Variants in EPHB2 observed in about 807,000 individuals in gnomAD.
EPHB2 encodes the protein ephrin type-B receptor 2.
EPHB2 carries 18 observed loss-of-function variants against 96.4 expected under a neutral mutation model. That is an observed-to-expected ratio of 0.19 (90% CI 0.13 to 0.28). EPHB2 has a LOEUF of 0.28. EPHB2 is among the 10% of genes least tolerant of loss of function. EPHB2 has a pLI of 1.00. For synonymous variants in EPHB2, 506 were observed against 534.1 expected (o/e 0.95, Z 0.72); for missense variants, 989 against 1,355.4 (o/e 0.73, Z 4.25).
chr1:22,825,666 G>T (rs1190777121), intron 3 of EPHB2, among the ~76,000 whole-genome samples: 1 of 152,240 alleles, frequency 6.6e-6, no homozygotes, highest in Non-Finnish European at 1.5e-5. Flanking sequence ...GACATCTGGA[G>T]CAGGAGAACT....
chr1:22,849,367 C>A (rs1645590637), intron 3 of EPHB2, among the ~76,000 whole-genome samples: 1 of 152,190 alleles, frequency 6.6e-6, no homozygotes. Flanking sequence ...TTCCATCTGT[C>A]TATTGCTTCT....
chr1:22,743,955 G>A (rs1255786461), intron 1 of EPHB2, among the ~76,000 whole-genome samples: 1 of 152,158 alleles, frequency 6.6e-6, no homozygotes, highest in African/African-American at 2.4e-5. Flanking sequence ...GTTCTTATCT[G>A]AACCCCCAAA....
chr1:22,819,297 C>G (rs1230671015), intron 3 of EPHB2, among the ~76,000 whole-genome samples: 1 of 150,820 alleles, frequency 6.6e-6, no homozygotes, highest in African/African-American at 2.4e-5. Flanking sequence ...CCATCTCCGG[C>G]CACCGCCTCT....
intron 3 of EPHB2, among the ~76,000 whole-genome samples, chr1:22,842,594 A>T (rs1645485743): frequency 6.6e-6 from 1 of 151,826 alleles, no homozygotes; most frequent in Admixed American, 6.6e-5. Context: ...AAACCCTCCC[A>T]TGGTTTGCCA....
At chr1:22,845,146 G>A (rs1336163848) in intron 3 of EPHB2, among the ~76,000 whole-genome samples, 2 of 152,210 alleles carry the variant, frequency 1.3e-5, no homozygotes, top group Non-Finnish European at 2.9e-5. Context: ...ATGGTGTCCA[G>A]CTCAATTTAG....
chr1:22,764,731 C>CA lies in EPHB2; in HGVS notation c.62-16676dup, dbSNP rs1365145793. Among the ~76,000 whole-genome samples the CA allele has an allele frequency of 9.5e-3, 1,326 of 140,164 alleles. 5 individuals carry two copies. Among genetic ancestry groups the CA allele is most frequent in the African/African-American group, 0.022 (832 of 38,370 alleles). 92.0% of individuals were successfully genotyped at this position (140,164 alleles called of 152,430 possible). ...ACCGCACTCCAGCCTGGGCAACTCT[C>CA]AAAAAAAAAAAAAATCTAAATGACT... On this transcript the variant is annotated intron_variant, in intron 1 of 15. Transcript: ENST00000374630.
intron 1 of EPHB2, among the ~76,000 whole-genome samples, chr1:22,727,948 TCAGA>T (rs956451331): frequency 1.3e-5 from 2 of 152,000 alleles, no homozygotes; most frequent in African/African-American, 4.8e-5. Context: ...TGGCTGAGAC[TCAGA>T]CATAGTATTT....
chr1:22,872,025 A>T (rs1638686633), intron 5 of EPHB2, among the ~76,000 whole-genome samples: 1 of 151,332 alleles, frequency 6.6e-6, no homozygotes, highest in African/African-American at 2.4e-5. Context: ...CAAAGAAAAA[A>T]AAAAAAATCT....
rs548445512 is a variant in EPHB2 at position 22,758,940 on chromosome 1, A to C, written c.62-22481A>C. On this transcript the variant is annotated intron_variant, in intron 1 of 15. Transcript: ENST00000374630. ...GGATGGGTGGGTGGGTGGGTGGATG[A>C]ATGGATGGATGGATGATGGATGGAT... Among the ~76,000 whole-genome samples, 12 of 148,756 alleles carry C rather than the reference A, an allele frequency of 8.1e-5. No individual in the cohort carries two copies. The East Asian group carries it at 2.4e-3, about 30-fold the overall frequency.
intron 1 of EPHB2, among the ~76,000 whole-genome samples, chr1:22,717,143 G>A (rs371937206): frequency 2.0e-5 from 3 of 152,288 alleles, no homozygotes; most frequent in East Asian, 1.9e-4. Flanking sequence ...CAGAGTTAGC[G>A]CCCACCAGCC....
chr1:22,809,188 C>T (rs565969705), intron 3 of EPHB2, among the ~76,000 whole-genome samples: 65 of 152,334 alleles, frequency 4.3e-4, no homozygotes, highest in Non-Finnish European at 8.4e-4. Flanking sequence ...TGACCCACTC[C>T]GCTCAGTTTC....
intron 1 of EPHB2, among the ~76,000 whole-genome samples, chr1:22,712,855 G>T (rs774742620): frequency 1.3e-5 from 2 of 152,222 alleles, no homozygotes; most frequent in African/African-American, 2.4e-5. Flanking sequence ...CAGTATTATG[G>T]GGAGCTTGGC....
chr1:22,781,599 G>A (rs1169219269), intron 2 of EPHB2, 114 bp downstream of exon 2: 1 of 996,730 alleles, frequency 1.0e-6, no homozygotes, highest in East Asian at 2.6e-5. Flanking sequence ...AGGACCCAGA[G>A]CCAGGCCTCT....
At chr1:22,902,607 T>G (rs1639785597) in intron 9 of EPHB2, among the ~76,000 whole-genome samples, 1 of 152,234 alleles carries the variant, frequency 6.6e-6, no homozygotes, top group South Asian at 2.1e-4. Context: ...ATGTGTTCAA[T>G]AAGCACTTTT....
chr1:22,896,180 C>A (rs1438606583), intron 8 of EPHB2, among the ~76,000 whole-genome samples: 2 of 152,154 alleles, frequency 1.3e-5, no homozygotes, highest in African/African-American at 4.8e-5. Flanking sequence ...TGGAAGATGA[C>A]TTTACTTTTT....
At chr1:22,780,500 G>C (rs1644513621) in intron 1 of EPHB2, among the ~76,000 whole-genome samples, 1 of 152,208 alleles carries the variant, frequency 6.6e-6, no homozygotes, top group Non-Finnish European at 1.5e-5. Flanking sequence ...GAACATGATG[G>C]AAGGCTCCAG....
In EPHB2 at chr1:22,908,063, C is replaced by T. The variant is rs2124113171; in HGVS notation, c.2247C>T (p.Ala749=). 6.2e-7 allele frequency: 1 copy of T among 1,614,242 alleles called. No individual in the cohort carries two copies. Among genetic ancestry groups the T allele is most frequent in the Admixed American group, 1.7e-5 (1 of 60,032 alleles). ...ACTATGTTCACCGTGACCTGGCTGC[C>T]CGCAACATCCTCGTCAACAGCAACC... ...DMNYVHRDLA[A]RNILVNSNLV... Residue 749 remains alanine, a synonymous_variant, in exon 12 of 16, where the codon GCC becomes GCT. Transcript: ENST00000374630.
At chr1:22,717,044 C>T (rs1643313007) in intron 1 of EPHB2, among the ~76,000 whole-genome samples, 1 of 152,184 alleles carries the variant, frequency 6.6e-6, no homozygotes, top group African/African-American at 2.4e-5. Context: ...TGCCCCCCAG[C>T]GGCCTATGAT....
At position 22,784,026 on chromosome 1, in the gene EPHB2, G is replaced by T. The variant is rs886805941; in HGVS notation, c.127-366G>T. On this transcript the variant is annotated intron_variant, in intron 2 of 15. Transcript: ENST00000374630. This position sits in a 1 kb window ranked among gnomAD's most constrained non-coding sequence, Gnocchi z 5.1. The stretch of plus-strand genomic sequence containing the variant: ...TCCTGTCTCCTCCATCAGACTGGTA[G>T]CCCCCACAACCACAAAGCTATGTCT... 7.9e-5 allele frequency among the ~76,000 whole-genome samples: 12 copies of T among 152,214 alleles called. No homozygotes were observed. The highest frequency in any genetic ancestry group is 2.9e-4 in the African/African-American group (12 of 41,542).
Sources: gnomAD v4.1 joint callset for allele counts (sites outside exome capture counted in the v4.1 genomes callset) on GRCh38, gnomAD v4.1.1 for gene constraint, Gnocchi (gnomAD v3.1) non-coding constraint, MANE v1.5 for transcripts, NCBI Gene and HGNC (gene_info 2026-07-23, HGNC 2026-07-21) for gene names.